QRFPR: variants seen among roughly 807,000 people sequenced by gnomAD.
QRFPR encodes the protein pyroglutamylated RF-amide peptide receptor.
A neutral mutation model predicts 31.3 loss-of-function variants in QRFPR; 37 were observed. That is an observed-to-expected ratio of 1.18 (90% CI 0.91 to 1.56). QRFPR has a LOEUF of 1.56. Ranked by LOEUF, QRFPR falls within the 40% of genes most tolerant of loss-of-function variation. The pLI is 0.00. For missense variants in QRFPR, 542 were observed against 532.5 expected (o/e 1.02, Z -0.18); for synonymous variants, 197 against 192.0 (o/e 1.03, Z -0.22).
At chr4:121,374,261 TCCAGTTAATATAATCTACTTTTG>T (rs1461375473) in intron 1 of QRFPR, among the ~76,000 whole-genome samples, 1 of 152,222 alleles carries the variant, frequency 6.6e-6, no homozygotes, top group Admixed American at 6.5e-5. Context: ...CTTGTTGGAC[TCCAGTTAATATAATCTACTTTTG>T]CATTTTCTAA....
In QRFPR at chr4:121,365,582, TA is replaced by T. The variant is rs1726102244; in HGVS notation, c.340+14725del. 7.1e-4 allele frequency among the ~76,000 whole-genome samples: 4 copies of T among 5,654 alleles called. 1 individual carries two copies. The highest frequency in any genetic ancestry group is 2.1e-3 in the African/African-American group (3 of 1,396). The allele number at this position is 5,654 out of a possible 152,430, so 3.7% of individuals were successfully genotyped here. A position where few individuals can be genotyped will look rare whatever the true frequency, so the allele number is the denominator to read the frequency against. On this transcript the variant is annotated intron_variant, in intron 1 of 5. Coordinates refer to ENST00000394427, the MANE Select transcript of QRFPR (RefSeq NM_198179.3). ...AATATATATTATATATAATATATATTATATATATTATATATATATAATATAT... is the reference window on the plus strand; with the variant it reads ...AATATATATTATATATAATATATATTTATATATTATATATATATAATATAT...
chr4:121,345,808 G>C (rs535520464), intron 1 of QRFPR, among the ~76,000 whole-genome samples: 5 of 152,226 alleles, frequency 3.3e-5, no homozygotes, highest in South Asian at 4.1e-4. Flanking sequence ...CCACCACACA[G>C]AGCAAGTCTT....
intron 1 of QRFPR, among the ~76,000 whole-genome samples, chr4:121,343,716 C>T (rs1217227120): frequency 6.6e-6 from 1 of 151,990 alleles, no homozygotes; most frequent in Non-Finnish European, 1.5e-5. Flanking sequence ...GAACCTTGTA[C>T]TTTTTAACAT....
intron 1 of QRFPR, among the ~76,000 whole-genome samples, chr4:121,351,321 C>T (rs867334553): frequency 2.0e-5 from 3 of 152,188 alleles, no homozygotes; most frequent in Non-Finnish European, 4.4e-5. Context: ...TTCTGTAGTT[C>T]TCTTCAGAGT....
chr4:121,354,879 C>G (rs563107982), intron 1 of QRFPR, among the ~76,000 whole-genome samples: 1 of 151,926 alleles, frequency 6.6e-6, no homozygotes, highest in East Asian at 1.9e-4. Flanking sequence ...CTGATTGATT[C>G]GCATAGGTTG....
At chr4:121,356,092 C>T (rs532098784) in intron 1 of QRFPR, among the ~76,000 whole-genome samples, 4 of 152,148 alleles carry the variant, frequency 2.6e-5, no homozygotes, top group African/African-American at 9.6e-5. Flanking sequence ...ATAGTGCAGA[C>T]CAAGTCTGAC....
At chr4:121,373,442 C>A (rs1377795622) in intron 1 of QRFPR, among the ~76,000 whole-genome samples, 1 of 152,196 alleles carries the variant, frequency 6.6e-6, no homozygotes, top group Non-Finnish European at 1.5e-5. Context: ...TATTTCCAAA[C>A]TACTGTTGCT....
chr4:121,336,568 G>T (rs1725441030), intron 3 of QRFPR, among the ~76,000 whole-genome samples: 1 of 152,170 alleles, frequency 6.6e-6, no homozygotes, highest in African/African-American at 2.4e-5. Flanking sequence ...ACTGACCTGT[G>T]TATTTTTGAA....
At position 121,330,286 on chromosome 4, in the gene QRFPR, T is replaced by A. The variant is rs1170633196; in HGVS notation, c.895+140A>T. 6.3e-6 allele frequency: 4 copies of A among 633,096 alleles called. No homozygotes were observed. The Admixed American group carries it at 1.0e-4, about 17-fold the overall frequency. The allele number at this position is 633,096 out of a possible 1,614,324, so 39.2% of individuals were successfully genotyped here. A position where few individuals can be genotyped will look rare whatever the true frequency, so the allele number is the denominator to read the frequency against. On this transcript the variant is annotated intron_variant, in intron 5 of 5. Coordinates refer to ENST00000394427, the MANE Select transcript of QRFPR (RefSeq NM_198179.3). ...GACCTACCACATAATGACCTTGTGA[T>A]CTTGAAGACATGAAAGAAATATATG...
intron 1 of QRFPR, among the ~76,000 whole-genome samples, chr4:121,378,869 T>C (rs941699590): frequency 3.3e-5 from 5 of 152,202 alleles, no homozygotes; most frequent in African/African-American, 1.2e-4. Context: ...TGCATAATTA[T>C]TTTCACCTTT....
intron 1 of QRFPR, among the ~76,000 whole-genome samples, chr4:121,361,683 G>A (rs1725995151): frequency 6.7e-6 from 1 of 150,122 alleles, no homozygotes; most frequent in Non-Finnish European, 1.5e-5. Flanking sequence ...CGTGTCCATG[G>A]ACCAGGCTTT....
chr4:121,371,724 T>C lies in QRFPR; in HGVS notation c.340+8584A>G, dbSNP rs140916783. On this transcript the variant is annotated intron_variant, in intron 1 of 5. Transcript: ENST00000394427. ...ACTCCACTAGACATAAATGGCCAAC[T>C]CTGCTAAACATATCTACCCTGAGTA... Among the ~76,000 whole-genome samples, 19 of 152,356 alleles carry C rather than the reference T, an allele frequency of 1.2e-4. No individual in the cohort carries two copies. The East Asian group carries it at 3.3e-3, about 26-fold the overall frequency.
At position 121,336,922 on chromosome 4, in the gene QRFPR, A is replaced by G. The variant is rs974989265; in HGVS notation, c.500-54T>C. On this transcript the variant is annotated intron_variant, in intron 2 of 5. Transcript: ENST00000394427. Reference sequence around the variant, plus strand: ...TGACTCAGTTGAGTAAAACACATCCATGCATAATTATCTAACCCTCAAGAT... The same window carrying G: ...TGACTCAGTTGAGTAAAACACATCCGTGCATAATTATCTAACCCTCAAGAT... 3.9e-5 allele frequency: 56 copies of G among 1,440,822 alleles called. No individual in the cohort carries two copies. The East Asian group carries it at 1.0e-3, about 27-fold the overall frequency. 89.3% of individuals were successfully genotyped at this position (1,440,822 alleles called of 1,614,324 possible).
chr4:121,365,402 C>T (rs1451831549), intron 1 of QRFPR, among the ~76,000 whole-genome samples: 2 of 135,256 alleles, frequency 1.5e-5, no homozygotes, highest in Non-Finnish European at 3.1e-5. Context: ...TTTAGTGAGC[C>T]GAGATCACGC....
intron 1 of QRFPR, among the ~76,000 whole-genome samples, chr4:121,360,577 G>A (rs575937394): frequency 3.9e-5 from 6 of 152,110 alleles, no homozygotes; most frequent in Middle Eastern, 3.4e-3. Flanking sequence ...ACACACACAC[G>A]TATCCAAAAT....
At chr4:121,368,461 G>A (rs552427497) in intron 1 of QRFPR, among the ~76,000 whole-genome samples, 2 of 150,608 alleles carry the variant, frequency 1.3e-5, no homozygotes, top group South Asian at 2.1e-4. Context: ...CTAGACTAGT[G>A]TTTGTTCTGT....
At chr4:121,343,405 A>G (rs757291234) in intron 1 of QRFPR, among the ~76,000 whole-genome samples, 3 of 152,178 alleles carry the variant, frequency 2.0e-5, no homozygotes, top group African/African-American at 7.2e-5. Flanking sequence ...CCAAGAACCA[A>G]TCCCACTCAC....
chr4:121,343,639 T>C (rs904568554), intron 1 of QRFPR, among the ~76,000 whole-genome samples: 1 of 151,976 alleles, frequency 6.6e-6, no homozygotes, highest in African/African-American at 2.4e-5. Flanking sequence ...ATTATTAATC[T>C]GCATATTTAT....
intron 1 of QRFPR, among the ~76,000 whole-genome samples, chr4:121,368,329 C>A (rs563109563): frequency 6.7e-6 from 1 of 149,332 alleles, no homozygotes; most frequent in South Asian, 2.1e-4. Context: ...ATCTCCTTTA[C>A]TTTAAAAAAG....
Sources: gnomAD v4.1 joint callset for allele counts (sites outside exome capture counted in the v4.1 genomes callset) on GRCh38, gnomAD v4.1.1 for gene constraint, MANE v1.5 for transcripts, NCBI Gene and HGNC (gene_info 2026-07-23, HGNC 2026-07-21) for gene names.